Variants in VCL observed in about 807,000 individuals in gnomAD.
The protein encoded by VCL is vinculin.
In VCL, 47 loss-of-function variants were observed where a neutral mutation model predicts 125.7. The observed-to-expected ratio is 0.37, with a 90% CI of 0.30 to 0.48. The LOEUF (loss-of-function observed/expected upper bound fraction) is 0.48. VCL is among the 20% of genes least tolerant of loss of function. The probability of loss-of-function intolerance (pLI) is 0.99; values close to 1 mark genes in which losing one functional copy is unlikely to be tolerated. For missense variants in VCL, 1,069 were observed against 1,455.5 expected, an observed-to-expected ratio of 0.73 and a Z score of 4.32; for synonymous variants, 458 against 514.6, an observed-to-expected ratio of 0.89 and a Z score of 1.49.
At chr10:74,014,126 G>A (rs1840490536) in intron 1 of VCL, among the ~76,000 whole-genome samples, 1 of 152,170 alleles carries the variant, frequency 6.6e-6, no homozygotes, top group African/African-American at 2.4e-5. Flanking sequence ...AAGCAATAGT[G>A]AGGGAAAAAG....
chr10:74,078,063 A>G (rs190446887), intron 6 of VCL, among the ~76,000 whole-genome samples: 44 of 152,310 alleles, frequency 2.9e-4, no homozygotes, highest in African/African-American at 9.6e-4. Context: ...AGTGCTCTAC[A>G]TTTAATTTTT....
At chr10:74,033,835 AC>A (rs1190122127) in intron 1 of VCL, among the ~76,000 whole-genome samples, 1 of 152,012 alleles carries the variant, frequency 6.6e-6, no homozygotes. Context: ...TTACCAATTG[AC>A]CCAGTCACTT....
intron 10 of VCL, 30 bp downstream of exon 10, chr10:74,090,228 C>A (rs1345883051): frequency 6.2e-7 from 1 of 1,611,540 alleles, no homozygotes; most frequent in African/African-American, 1.3e-5. Context: ...ATTGCCTTTT[C>A]ATATCTTTTC....
Position 74,097,249 on chromosome 10 carries a change from G to C in VCL, c.1789G>C (p.Asp597His), listed in dbSNP as rs1373810182. 6.2e-7 allele frequency: 1 copy of C among 1,614,040 alleles called. No individual in the cohort carries two copies. The highest frequency in any genetic ancestry group is 1.3e-5 in the African/African-American group (1 of 74,938). ...GGAGGCCATGACTCAGGAAGTGTCAGATGTTTTCAGCGATACCACAACTCC... is the reference window on the plus strand; with the variant it reads ...GGAGGCCATGACTCAGGAAGTGTCACATGTTTTCAGCGATACCACAACTCC... ...MQEAMTQEVS[D>H]VFSDTTTPIK... The change falls in exon 13 of 22, where the codon GAT becomes CAT. Residue 597 changes from aspartate (D) to histidine (H), a missense_variant. Asp to His is a moderately conservative substitution (Grantham distance 81). This residue lies in a region of VCL where 760 missense variants were observed against 928.9 expected (regional missense o/e 0.82). Coordinates refer to ENST00000211998, the MANE Select transcript of VCL (RefSeq NM_014000.3). This position sits in a 1 kb window ranked among gnomAD's most constrained non-coding sequence, Gnocchi z 4.1.
At chr10:74,019,036 T>C (rs1477961675) in intron 1 of VCL, among the ~76,000 whole-genome samples, 1 of 152,162 alleles carries the variant, frequency 6.6e-6, no homozygotes, top group East Asian at 1.9e-4. Flanking sequence ...TAAATAATAG[T>C]CCCTTGATGG....
intron 1 of VCL, among the ~76,000 whole-genome samples, chr10:74,036,484 GAGCCACCGTGCCC>G (rs1342389812): frequency 6.6e-6 from 1 of 151,998 alleles, no homozygotes; most frequent in East Asian, 1.9e-4. Flanking sequence ...TTACAGGCGT[GAGCCACCGTGCCC>G]AGCCACTCTG....
chr10:74,010,090 A>AT, intron 1 of VCL, among the ~76,000 whole-genome samples: 1 of 151,558 alleles, frequency 6.6e-6, no homozygotes, highest in African/African-American at 2.4e-5. Context: ...CACCCAGCTA[A>AT]TTTTTTGTAT....
chr10:74,103,163 C>T (rs571965092), intron 14 of VCL, among the ~76,000 whole-genome samples: 10 of 152,256 alleles, frequency 6.6e-5, no homozygotes, highest in East Asian at 1.9e-4. Flanking sequence ...CCACTGCACC[C>T]GGCCGACTCC....
chr10:74,035,899 A>T (rs575019327), intron 1 of VCL, among the ~76,000 whole-genome samples: 2 of 152,240 alleles, frequency 1.3e-5, no homozygotes, highest in Non-Finnish European at 2.9e-5. Context: ...ACAGTATAAC[A>T]ACTATGTACA....
intron 2 of VCL, among the ~76,000 whole-genome samples, chr10:74,065,672 A>G (rs1841557933): frequency 6.6e-6 from 1 of 150,418 alleles, no homozygotes; most frequent in African/African-American, 2.5e-5. Context: ...CAACAGACCG[A>G]GACCCTGTCT....
chr10:74,018,201 TAA>T (rs1555114510), intron 1 of VCL, among the ~76,000 whole-genome samples: 19 of 139,748 alleles, frequency 1.4e-4, no homozygotes, highest in South Asian at 4.4e-4. Context: ...TATATATATA[TAA>T]ATACATATAT....
chr10:73,998,562 G>A (rs1031768340), intron 1 of VCL, among the ~76,000 whole-genome samples, 187 bp downstream of exon 1: 1 of 152,220 alleles, frequency 6.6e-6, no homozygotes, highest in Non-Finnish European at 1.5e-5. Flanking sequence ...AGCCTCTCCG[G>A]GCCTCAGTGT....
At chr10:74,098,314 C>T (rs1840002959) in intron 13 of VCL, among the ~76,000 whole-genome samples, 1 of 152,224 alleles carries the variant, frequency 6.6e-6, no homozygotes, top group East Asian at 1.9e-4. Flanking sequence ...CAACTACTAT[C>T]CCCATGGATT....
In VCL at chr10:74,041,737, CA is replaced by C. The variant is rs397969218; in HGVS notation, c.169-1332del. Among the ~76,000 whole-genome samples the C allele has an allele frequency of 2.4e-3, 323 of 136,722 alleles. 1 individual carries two copies. Among genetic ancestry groups the C allele is most frequent in the African/African-American group, 4.5e-3 (163 of 35,886 alleles). The allele number at this position is 136,722 out of a possible 152,430, so 89.7% of individuals were successfully genotyped here. A position where few individuals can be genotyped will look rare whatever the true frequency, so the allele number is the denominator to read the frequency against. On this transcript the variant is annotated intron_variant, in intron 1 of 21. Coordinates refer to ENST00000211998, the MANE Select transcript of VCL (RefSeq NM_014000.3). ...TGAAACCCCATCTCTACTAAAAATC[CA>C]AAAAAAAAAAAAAGATTAGCTGGGT...
chr10:74,063,781 T>C (rs1202147602), intron 2 of VCL: 1 of 152,240 alleles, frequency 6.6e-6, no homozygotes, highest in Non-Finnish European at 1.5e-5. Context: ...TGAGCCAAGA[T>C]ACTGGACAGT....
At chr10:74,049,567 A>C (rs1224235377) in intron 2 of VCL, among the ~76,000 whole-genome samples, 2 of 152,084 alleles carry the variant, frequency 1.3e-5, no homozygotes, top group African/African-American at 4.8e-5. Flanking sequence ...AGATGTAGGG[A>C]GGAAGGAAAA....
intron 1 of VCL, among the ~76,000 whole-genome samples, chr10:74,038,124 A>C (rs1243581997): frequency 2.6e-5 from 4 of 151,754 alleles, no homozygotes; most frequent in South Asian, 4.2e-4. Context: ...CAGCCTCCCA[A>C]GTAGCTGGGA....
chr10:74,000,259 CT>C (rs34197555), intron 1 of VCL, among the ~76,000 whole-genome samples: 2,407 of 114,788 alleles, frequency 0.021, 21 homozygotes, highest in African/African-American at 0.054. Flanking sequence ...TTGTATTTTG[CT>C]TTTTTTTTTT....
At chr10:74,067,686 G>A (rs143263688) in intron 2 of VCL, among the ~76,000 whole-genome samples, 12 of 152,292 alleles carry the variant, frequency 7.9e-5, no homozygotes, top group African/African-American at 2.9e-4. Context: ...ATGAAGTATT[G>A]ATACAGGCTA....
Sources: gnomAD v4.1 joint callset for allele counts (sites outside exome capture counted in the v4.1 genomes callset) on GRCh38, gnomAD v4.1.1 for gene constraint, gnomAD v4.1.1 regional missense constraint, Gnocchi (gnomAD v3.1) non-coding constraint, MANE v1.5 for transcripts, NCBI Gene and HGNC (gene_info 2026-07-23, HGNC 2026-07-21) for gene names.